The following SH3PXD2B variants were observed in gnomAD, a reference collection of about 807,000 sequenced individuals.
The protein encoded by SH3PXD2B is SH3 and PX domain-containing protein 2B.
SH3PXD2B carries 37 observed loss-of-function variants against 73.1 expected under a neutral mutation model. The ratio of observed to expected loss-of-function variants is 0.51; its 90% CI spans 0.39 to 0.67. The LOEUF (loss-of-function observed/expected upper bound fraction) is 0.67, where lower values mean the gene tolerates loss of function less well. SH3PXD2B is among the 30% of genes least tolerant of loss of function. SH3PXD2B has a pLI of 0.00. For synonymous variants in SH3PXD2B, 457 were observed against 480.5 expected (o/e 0.95, Z 0.64); for missense variants, 1,053 against 1,197.8 (o/e 0.88, Z 1.78).
chr5:172,363,012 T>C, intron 6 of SH3PXD2B, 143 bp from the exon 7 acceptor site: 1 of 1,144,350 alleles, frequency 8.7e-7, no homozygotes, highest in Non-Finnish European at 1.3e-6. Context: ...CTTCATCCAT[T>C]CATTGTTCTA....
At chr5:172,363,655 C>T (rs1260720798) in intron 6 of SH3PXD2B, among the ~76,000 whole-genome samples, 1 of 151,848 alleles carries the variant, frequency 6.6e-6, no homozygotes, top group Non-Finnish European at 1.5e-5. Flanking sequence ...GGAAGAGCAG[C>T]GTAGGCACAC....
chr5:172,355,757 G>T (rs1757258221), intron 8 of SH3PXD2B, among the ~76,000 whole-genome samples: 1 of 152,022 alleles, frequency 6.6e-6, no homozygotes, highest in Non-Finnish European at 1.5e-5. Flanking sequence ...TGTTAGCCGG[G>T]ATGGTCTCGA....
At chr5:172,325,426 C>A in intron 12 of SH3PXD2B, 2 of 1,349,268 alleles carry the variant, frequency 1.5e-6, no homozygotes, top group Non-Finnish European at 2.0e-6. Flanking sequence ...CAGTCCTTTC[C>A]AAACGAAAGA....
At position 172,358,783 on chromosome 5, in the gene SH3PXD2B, C is replaced by T; in HGVS notation, c.657G>A (p.Gln219=). Residue 219 remains glutamine (Q), a synonymous_variant, in exon 8 of 13, where the codon CAG becomes CAA. Transcript: ENST00000311601. ...CGAGCTCCTCCCTACCTTCTTCAGG[C>T]TGCAGAGAAAACTCATCCTGCACCC... The part of the protein sequence containing the change: ...QDGVQDEFSL[Q]PEEEEKYTVI... 6.2e-7 allele frequency: 1 copy of T among 1,612,572 alleles called. No homozygotes were observed. The highest frequency in any genetic ancestry group is 8.5e-7 in the Non-Finnish European group (1 of 1,179,450).
chr5:172,438,158 G>A (rs1759437012), intron 1 of SH3PXD2B, among the ~76,000 whole-genome samples: 1 of 152,088 alleles, frequency 6.6e-6, no homozygotes, highest in Non-Finnish European at 1.5e-5. Context: ...CCTCTGGCGG[G>A]AACATTTCCT....
chr5:172,435,693 G>A (rs1032135670), intron 1 of SH3PXD2B, among the ~76,000 whole-genome samples: 1 of 152,178 alleles, frequency 6.6e-6, no homozygotes, highest in Non-Finnish European at 1.5e-5. Context: ...CAAAGTGCTG[G>A]AATTATAGGT....
chr5:172,373,792 G>C lies in SH3PXD2B; in HGVS notation c.425C>G (p.Ser142Cys), dbSNP rs200833313. The change falls in exon 6 of 13, where the codon TCT becomes TGT. Residue 142 changes from serine to cysteine, a missense_variant and splice_region_variant. Coordinates refer to ENST00000311601, the MANE Select transcript of SH3PXD2B (RefSeq NM_001017995.3). The part of the protein sequence containing the change: ...PKEEHIGKKK[S>C]GGDQTSVDPM... ...AAGAAAATAGAAAATATTCTTACCA[G>C]ATTTCTTTTTCCCAATGTGCTCCCT... is the stretch of plus-strand genomic sequence containing the variant. The C allele has an allele frequency of 4.5e-5, 72 of 1,613,866 alleles. No individual in the cohort carries two copies. In the East Asian group the frequency reaches 1.6e-3, roughly 35 times the overall value.
At chr5:172,451,739 G>C (rs1759799868) in intron 1 of SH3PXD2B, among the ~76,000 whole-genome samples, 1 of 152,364 alleles carries the variant, frequency 6.6e-6, no homozygotes, top group South Asian at 2.1e-4. Context: ...GCCAATAGCT[G>C]CCTTCATGCC....
intron 1 of SH3PXD2B, among the ~76,000 whole-genome samples, chr5:172,450,185 A>G (rs1172543924): frequency 6.6e-6 from 1 of 152,138 alleles, no homozygotes; most frequent in African/African-American, 2.4e-5. Flanking sequence ...CACACTTACA[A>G]TGGGTGAATT....
At chr5:172,451,300 AG>A (rs1759791456) in intron 1 of SH3PXD2B, among the ~76,000 whole-genome samples, 1 of 152,170 alleles carries the variant, frequency 6.6e-6, no homozygotes, top group African/African-American at 2.4e-5. Flanking sequence ...GTGGGAAATT[AG>A]GGGGCGTAGT....
intron 1 of SH3PXD2B, among the ~76,000 whole-genome samples, chr5:172,431,852 G>A (rs544926978): frequency 1.3e-5 from 2 of 152,244 alleles, no homozygotes; most frequent in Admixed American, 1.3e-4. Flanking sequence ...TTTGTTGCGT[G>A]TGTGTTTCTC....
chr5:172,414,396 G>A (rs1758770942), intron 2 of SH3PXD2B, among the ~76,000 whole-genome samples: 1 of 149,740 alleles, frequency 6.7e-6, no homozygotes, highest in Non-Finnish European at 1.5e-5. Context: ...TTGAACCCGG[G>A]AAGCGGAGGT....
At chr5:172,436,395 G>A (rs550738825) in intron 1 of SH3PXD2B, among the ~76,000 whole-genome samples, 4 of 152,338 alleles carry the variant, frequency 2.6e-5, no homozygotes, top group South Asian at 2.1e-4. Context: ...TACAGGGCCC[G>A]GGCTCCTTCA....
At chr5:172,385,789 C>T (rs1758048972) in intron 4 of SH3PXD2B, among the ~76,000 whole-genome samples, 1 of 152,234 alleles carries the variant, frequency 6.6e-6, no homozygotes, top group African/African-American at 2.4e-5. Flanking sequence ...CCAAACCAAA[C>T]CCCTAAACCA....
chr5:172,350,274 T>G, intron 10 of SH3PXD2B, 89 bp downstream of exon 10: 1 of 1,316,934 alleles, frequency 7.6e-7, no homozygotes, highest in Non-Finnish European at 1.1e-6. Flanking sequence ...TGGGCTGCTG[T>G]GAGGATGAGG....
chr5:172,370,392 C>T (rs1381065435), intron 6 of SH3PXD2B, among the ~76,000 whole-genome samples: 1 of 152,164 alleles, frequency 6.6e-6, no homozygotes, highest in Non-Finnish European at 1.5e-5. Flanking sequence ...CCCTCCTAAC[C>T]AGTGTGCCAA....
rs114618873 is a variant in SH3PXD2B at position 172,422,950 on chromosome 5, G to A, written c.76-454C>T. Among the ~76,000 whole-genome samples the A allele has an allele frequency of 4.8e-3, 738 of 152,282 alleles. 1 individual carries two copies. The highest frequency in any genetic ancestry group is 7.6e-3 in the Non-Finnish European group (514 of 68,026). On this transcript the variant is annotated intron_variant, in intron 1 of 12. Coordinates refer to ENST00000311601, the MANE Select transcript of SH3PXD2B (RefSeq NM_001017995.3). ...GCTGTCTCCACCGACGAGGACCTAG[G>A]CCAAGTTATTTTTTCCCCGAGTCCC...
intron 2 of SH3PXD2B, among the ~76,000 whole-genome samples, chr5:172,412,221 C>T (rs1415444146): frequency 1.3e-5 from 2 of 152,184 alleles, no homozygotes; most frequent in African/African-American, 2.4e-5. Context: ...CAGGACTGCC[C>T]GGGTGGCCCC....
At position 172,353,385 on chromosome 5, in the gene SH3PXD2B, G is replaced by A. The variant is rs1197910703; in HGVS notation, c.785+503C>T. Among the ~76,000 whole-genome samples the A allele has an allele frequency of 6.6e-6, 1 of 152,232 alleles. No homozygotes were observed. The highest frequency in any genetic ancestry group is 1.5e-5 in the Non-Finnish European group (1 of 68,054). On this transcript the variant is annotated intron_variant, in intron 9 of 12. Transcript: ENST00000311601. This position sits in a 1 kb window ranked among gnomAD's most constrained non-coding sequence, Gnocchi z 4.3. ...CGAGCTGGCCACCCTGCCTGCCTGG[G>A]AGGCTCTGATATCATCACATAGGTG...
Sources: allele counts gnomAD v4.1 joint callset (sites outside exome capture counted in the v4.1 genomes callset), GRCh38; gene constraint gnomAD v4.1.1; non-coding constraint Gnocchi (gnomAD v3.1); transcripts MANE v1.5; gene names NCBI Gene and HGNC (gene_info 2026-07-23, HGNC 2026-07-21).